TPH2: variants seen among roughly 807,000 people sequenced by gnomAD.
TPH2 encodes tryptophan hydroxylase 2.
TPH2 carries 27 observed loss-of-function variants against 59.1 expected under a neutral mutation model. That is an observed-to-expected ratio of 0.46 (90% confidence interval 0.34 to 0.63). TPH2 has a LOEUF of 0.63. Among genes scored for constraint, TPH2 ranks in the 30% least tolerant of loss-of-function variants. TPH2 has a pLI of 0.01. For synonymous variants in TPH2, 220 were observed against 210.5 expected, an observed-to-expected ratio of 1.05 and a Z score of -0.39; for missense variants, 523 against 588.3, an observed-to-expected ratio of 0.89 and a Z score of 1.15.
chr12:71,994,363 G>A, intron 7 of TPH2, 76 bp from the exon 8 acceptor site: 1 of 1,552,496 alleles, frequency 6.4e-7, no homozygotes, highest in Non-Finnish European at 8.9e-7. Flanking sequence ...TCTTATTTAG[G>A]TTTTTAAGTC....
chr12:71,985,494 G>A (rs1872406450), intron 7 of TPH2, among the ~76,000 whole-genome samples: 1 of 152,072 alleles, frequency 6.6e-6, no homozygotes, highest in Non-Finnish European at 1.5e-5. Flanking sequence ...CGCCTCCTGG[G>A]TTCAAGCGAT....
chr12:72,011,831 G>C (rs1873106469), intron 8 of TPH2, among the ~76,000 whole-genome samples: 1 of 152,204 alleles, frequency 6.6e-6, no homozygotes, highest in African/African-American at 2.4e-5. Flanking sequence ...GGGCCTGACT[G>C]TGGCAAGGAG....
chr12:71,941,680 T>C lies in TPH2; in HGVS notation c.202T>C (p.Phe68Leu). The C allele has an allele frequency of 6.2e-7, 1 of 1,614,126 alleles. No homozygotes were observed. The highest frequency in any genetic ancestry group is 8.5e-7 in the Non-Finnish European group (1 of 1,179,974). ...CGAAAGTGGCAAGACAGCAGTTGTTTTCTCCTTGAAGAATGAAGTTGGTGG... is the reference window on the plus strand; with the variant it reads ...CGAAAGTGGCAAGACAGCAGTTGTTCTCTCCTTGAAGAATGAAGTTGGTGG... ...ATESGKTAVV[F>L]SLKNEVGGLV... The change falls in exon 2 of 11, where the codon TTC (phenylalanine) becomes CTC (leucine). Residue 68 changes from phenylalanine (F) to leucine (L), a missense_variant. Transcript: ENST00000333850.
At chr12:71,986,817 T>C (rs1027278482) in intron 7 of TPH2, among the ~76,000 whole-genome samples, 1 of 152,156 alleles carries the variant, frequency 6.6e-6, no homozygotes, top group African/African-American at 2.4e-5. Context: ...TCATTATGTA[T>C]TTTCAGGTGT....
At chr12:71,984,348 G>T (rs1321577088) in intron 7 of TPH2, among the ~76,000 whole-genome samples, 2 of 152,140 alleles carry the variant, frequency 1.3e-5, no homozygotes, top group Non-Finnish European at 1.5e-5. Flanking sequence ...TAAAGTAAAT[G>T]AATTTTTTGC....
At chr12:72,031,161 G>GTA in intron 9 of TPH2, 97 bp from the exon 10 acceptor site, 4 of 1,487,910 alleles carry the variant, frequency 2.7e-6, no homozygotes, top group Non-Finnish European at 3.7e-6. Context: ...AGCTCTGTAG[G>GTA]ATTACCGAGC....
intron 7 of TPH2, among the ~76,000 whole-genome samples, chr12:71,981,665 A>G (rs1872280954): frequency 6.6e-6 from 1 of 152,116 alleles, no homozygotes; most frequent in Non-Finnish European, 1.5e-5. Context: ...AGCTGAGTGG[A>G]AAGTCATTTC....
intron 2 of TPH2, among the ~76,000 whole-genome samples, chr12:71,943,176 A>G (rs1249640691): frequency 1.3e-5 from 2 of 152,126 alleles, no homozygotes; most frequent in East Asian, 3.8e-4. Context: ...AAAGGTTAAT[A>G]AAAACAGAAA....
intron 8 of TPH2, among the ~76,000 whole-genome samples, chr12:72,009,961 G>A (rs1170692273): frequency 6.6e-6 from 1 of 152,192 alleles, no homozygotes; most frequent in Admixed American, 6.5e-5. Context: ...CCTTAAATTT[G>A]CAGAAGTTAC....
intron 4 of TPH2, among the ~76,000 whole-genome samples, chr12:71,945,146 A>G (rs983090648): frequency 3.9e-5 from 6 of 152,186 alleles, no homozygotes; most frequent in African/African-American, 7.2e-5. Flanking sequence ...TTCAGTCTCA[A>G]TGGAAAGGTA....
In TPH2 at chr12:71,939,061, C is replaced by T. The variant is rs776527536; in HGVS notation, c.75C>T (p.Pro25=). The T allele has an allele frequency of 8.1e-6, 13 of 1,613,912 alleles. No homozygotes were observed. In the Admixed American group the frequency reaches 2.2e-4, roughly 27 times the overall value. The change falls in exon 1 of 11, where the codon CCC becomes CCT. Residue 25 remains proline, a synonymous_variant. Coordinates refer to ENST00000333850, the MANE Select transcript of TPH2 (RefSeq NM_173353.4). ...GGTTTTCCCTGGATTCAGCAGTGCC[C>T]GAAGAGCATCAGCTACTTGGCAGCT... ...RRGFSLDSAV[P]EEHQLLGSST...
intron 4 of TPH2, among the ~76,000 whole-genome samples, chr12:71,945,302 T>G (rs1871170360): frequency 6.6e-6 from 1 of 152,124 alleles, no homozygotes; most frequent in South Asian, 2.1e-4. Context: ...TTCCCATTAT[T>G]CTCCCCTTCC....
At chr12:71,973,300 G>C (rs2139204208) in intron 6 of TPH2, among the ~76,000 whole-genome samples, 1 of 152,278 alleles carries the variant, frequency 6.6e-6, no homozygotes, top group Non-Finnish European at 1.5e-5. Flanking sequence ...TAAAGACCTT[G>C]CTGATAAAAC....
At chr12:71,942,934 T>C (rs2139177502) in intron 2 of TPH2, among the ~76,000 whole-genome samples, 1 of 152,298 alleles carries the variant, frequency 6.6e-6, no homozygotes. Context: ...GATAAATTCC[T>C]GGAGAAGGAG....
At chr12:71,979,549 T>C (rs1458238827) in intron 7 of TPH2, among the ~76,000 whole-genome samples, 1 of 152,168 alleles carries the variant, frequency 6.6e-6, no homozygotes, top group Non-Finnish European at 1.5e-5. Context: ...TCCCTGCCAT[T>C]TTAGTTTCTT....
At chr12:71,995,727 G>T (rs997537735) in intron 8 of TPH2, among the ~76,000 whole-genome samples, 2 of 152,138 alleles carry the variant, frequency 1.3e-5, no homozygotes, top group African/African-American at 4.8e-5. Flanking sequence ...AGCTTTTACT[G>T]CTTGTTGCCA....
chr12:71,940,903 G>T (rs4641527), intron 1 of TPH2, among the ~76,000 whole-genome samples: 49,424 of 151,830 alleles, frequency 0.33, 9,209 homozygotes, highest in East Asian at 0.54. Context: ...CTTCCTTCCT[G>T]CCTTTCTCCT....
chr12:72,021,187 C>T (rs1873402414), intron 8 of TPH2, among the ~76,000 whole-genome samples: 1 of 152,112 alleles, frequency 6.6e-6, no homozygotes. Context: ...CGAGTTCAGC[C>T]TCTCTCAACA....
chr12:72,031,130 A>G (rs1305263078), intron 9 of TPH2, 128 bp from the exon 10 acceptor site: 7 of 1,258,184 alleles, frequency 5.6e-6, no homozygotes, highest in African/African-American at 2.9e-5. Context: ...TCCATATTTC[A>G]TGACAGACTA....
Sources: gnomAD v4.1 joint callset for allele counts (sites outside exome capture counted in the v4.1 genomes callset) on GRCh38, gnomAD v4.1.1 for gene constraint, MANE v1.5 for transcripts, NCBI Gene and HGNC (gene_info 2026-07-23, HGNC 2026-07-21) for gene names.